Variants in PDE1A observed in about 807,000 individuals in gnomAD.
PDE1A encodes dual specificity calcium/calmodulin-dependent 3',5'-cyclic nucleotide phosphodiesterase 1A.
A neutral mutation model predicts 61.7 loss-of-function variants in PDE1A; 35 were observed. The observed-to-expected ratio is 0.57, with a 90% CI of 0.43 to 0.75. The LOEUF is 0.75. Among genes scored for constraint, PDE1A ranks in the 30% least tolerant of loss-of-function variants. The pLI, the probability that PDE1A is intolerant of heterozygous loss-of-function variation, is 0.00. For synonymous variants in PDE1A, 232 were observed against 213.2 expected, an observed-to-expected ratio of 1.09 and a Z score of -0.77; for missense variants, 597 against 630.6, an observed-to-expected ratio of 0.95 and a Z score of 0.57.
chr2:182,517,924 C>T (rs138534401), intron 2 of PDE1A, among the ~76,000 whole-genome samples: 258 of 152,188 alleles, frequency 1.7e-3, no homozygotes, highest in African/African-American at 3.2e-3. Flanking sequence ...GAAAGGAAAA[C>T]GGAGGAACAG....
intron 2 of PDE1A, among the ~76,000 whole-genome samples, chr2:182,241,335 G>T (rs1284499123): frequency 6.6e-6 from 1 of 152,204 alleles, no homozygotes; most frequent in African/African-American, 2.4e-5. Context: ...TCTGGCACAT[G>T]TTAGCTTCAA....
chr2:182,391,436 G>A (rs192080498), intron 1 of PDE1A, among the ~76,000 whole-genome samples: 51 of 152,266 alleles, frequency 3.3e-4, no homozygotes, highest in African/African-American at 1.2e-3. Context: ...GTAGAGAAAG[G>A]GATCCAAAGG....
chr2:182,167,749 A>C, downstream of PDE1A: 22 of 265,536 alleles, frequency 8.3e-5, no homozygotes, highest in Non-Finnish European at 1.2e-4. Flanking sequence ...CATCCCTGCC[A>C]TTCACTCTCA....
intron 2 of PDE1A, among the ~76,000 whole-genome samples, chr2:182,477,997 C>T (rs1246643298): frequency 6.6e-6 from 1 of 151,712 alleles, no homozygotes; most frequent in African/African-American, 2.4e-5. Context: ...ACATTCTTGC[C>T]GTGACAAAGG....
At chr2:182,279,322 A>G (rs1693649156) in intron 1 of PDE1A, among the ~76,000 whole-genome samples, 1 of 151,906 alleles carries the variant, frequency 6.6e-6, no homozygotes, top group Admixed American at 6.6e-5. Flanking sequence ...TCCCAGCACC[A>G]TAAAAAAATA....
At chr2:182,179,710 T>C (rs1179079051) in intron 13 of PDE1A, among the ~76,000 whole-genome samples, 1 of 152,128 alleles carries the variant, frequency 6.6e-6, no homozygotes, top group Non-Finnish European at 1.5e-5. Context: ...GCTCTGTCTC[T>C]CTCTTTCTTC....
intron 1 of PDE1A, among the ~76,000 whole-genome samples, chr2:182,334,842 G>C (rs1251987436): frequency 6.6e-6 from 1 of 152,170 alleles, no homozygotes; most frequent in African/African-American, 2.4e-5. Flanking sequence ...AATTGTCTCT[G>C]TTTGCAGATG....
chr2:182,270,727 A>G (rs1692956990), intron 1 of PDE1A, among the ~76,000 whole-genome samples: 1 of 151,300 alleles, frequency 6.6e-6, no homozygotes, highest in Non-Finnish European at 1.5e-5. Flanking sequence ...CCTATAATAT[A>G]TATTAATATT....
At chr2:182,242,060 T>C (rs1690558353) in intron 2 of PDE1A, 4 of 1,296,946 alleles carry the variant, frequency 3.1e-6, no homozygotes, top group Middle Eastern at 4.3e-4. Flanking sequence ...ATAGGAATCA[T>C]TGTGGTGTAA....
intron 7 of PDE1A, among the ~76,000 whole-genome samples, chr2:182,222,563 A>G (rs1019241101): frequency 1.3e-5 from 2 of 152,070 alleles, no homozygotes; most frequent in African/African-American, 2.4e-5. Flanking sequence ...ATAACAATGT[A>G]TCGATACTGG....
chr2:182,649,927 A>C, the PDE1A span, among the ~76,000 whole-genome samples: 1 of 152,012 alleles, frequency 6.6e-6, no homozygotes, highest in East Asian at 1.9e-4. Flanking sequence ...ATTTTTTTTT[A>C]AATTAGCCAG....
chr2:182,166,967 A>G (rs1379763074), downstream of PDE1A, among the ~76,000 whole-genome samples: 1 of 152,192 alleles, frequency 6.6e-6, no homozygotes, highest in African/African-American at 2.4e-5. Context: ...TTCCAAAAAG[A>G]AATAACTTAG....
downstream of PDE1A, among the ~76,000 whole-genome samples, chr2:182,164,019 C>T (rs973649483): frequency 1.3e-5 from 2 of 151,884 alleles, no homozygotes; most frequent in Admixed American, 6.6e-5. Context: ...TCTTGACCTG[C>T]TACTAGGCCT....
At chr2:182,234,367 T>C (rs1024354428) in intron 4 of PDE1A, 65 bp downstream of exon 4, 18 of 1,066,698 alleles carry the variant, frequency 1.7e-5, no homozygotes, top group Non-Finnish European at 1.6e-5. Flanking sequence ...CATTTTCTCA[T>C]AGCCTTTTTA....
At chr2:182,376,802 CT>C (rs956015780) in intron 1 of PDE1A, among the ~76,000 whole-genome samples, 2 of 152,120 alleles carry the variant, frequency 1.3e-5, no homozygotes, top group Non-Finnish European at 2.9e-5. Flanking sequence ...CTGGGGAAGC[CT>C]CAAAATCATG....
In PDE1A at chr2:182,389,411, T is replaced by C. The variant is rs182745289; in HGVS notation, c.53+37167A>G. Among the ~76,000 whole-genome samples, 190 of 152,156 alleles carry C rather than the reference T, an allele frequency of 1.2e-3. 1 individual carries two copies. The highest frequency in any genetic ancestry group is 7.7e-3 in the South Asian group (37 of 4,820). On this transcript the variant is annotated intron_variant, in intron 1 of 13. Transcript: ENST00000351439. Reference sequence around the variant, plus strand: ...CGAGGTATACAAACCATAGCAAGAATACAAATAACCCAATTAAAAAATGGA... The same window carrying C: ...CGAGGTATACAAACCATAGCAAGAACACAAATAACCCAATTAAAAAATGGA...
intron 1 of PDE1A, among the ~76,000 whole-genome samples, chr2:182,350,619 T>C (rs1698818265): frequency 6.6e-6 from 1 of 152,172 alleles, no homozygotes; most frequent in Admixed American, 6.5e-5. Flanking sequence ...TCATGATGAT[T>C]TTTAATTGCT....
chr2:182,336,695 C>T (rs1161056917), intron 1 of PDE1A, among the ~76,000 whole-genome samples: 1 of 151,836 alleles, frequency 6.6e-6, no homozygotes, highest in African/African-American at 2.4e-5. Flanking sequence ...TGCAGCAAAC[C>T]ACCATGGCAC....
the PDE1A span, among the ~76,000 whole-genome samples, chr2:182,691,610 A>G: frequency 4.6e-5 from 7 of 152,224 alleles, no homozygotes; most frequent in Non-Finnish European, 7.3e-5. Flanking sequence ...CATTCAGGAC[A>G]TAGGCATGGG....
Sources: allele counts gnomAD v4.1 joint callset (sites outside exome capture counted in the v4.1 genomes callset), GRCh38; gene constraint gnomAD v4.1.1; transcripts MANE v1.5; gene names NCBI Gene and HGNC (gene_info 2026-07-23, HGNC 2026-07-21).